The following FAM120C variants were observed in gnomAD, a reference collection of about 807,000 sequenced individuals.
FAM120C encodes the protein family with sequence similarity 120 member C.
A neutral mutation model predicts 71.2 loss-of-function variants in FAM120C; 14 were observed. That is an observed-to-expected ratio of 0.20 (90% CI 0.13 to 0.31). FAM120C has a LOEUF of 0.31. Ranked by LOEUF, FAM120C falls within the 10% of genes least tolerant of loss-of-function variation. The pLI is 1.00. For missense variants in FAM120C, 500 were observed against 879.0 expected (o/e 0.57, Z 5.45); for synonymous variants, 354 against 353.2 (o/e 1.00, Z -0.03).
intron 9 of FAM120C, among the ~76,000 whole-genome samples, chrX:54,117,875 C>T (rs1016923536): frequency 2.7e-5 from 3 of 110,986 alleles, no homozygotes; most frequent in Non-Finnish European, 5.7e-5. Flanking sequence ...ATGAGATACA[C>T]CAAAAGATAT....
intron 10 of FAM120C, among the ~76,000 whole-genome samples, chrX:54,092,586 T>C (rs1341220683): frequency 9.2e-6 from 1 of 108,298 alleles, no homozygotes; most frequent in Non-Finnish European, 1.9e-5. Context: ...AAGAAGAAAG[T>C]GTGTGTGTGG....
intron 10 of FAM120C, among the ~76,000 whole-genome samples, chrX:54,114,104 A>C (rs1401203616): frequency 9.0e-6 from 1 of 111,341 alleles, no homozygotes; most frequent in Non-Finnish European, 1.9e-5. Context: ...AAAAAGAATG[A>C]AATCATGTCT....
chrX:54,177,668 TGA>T (rs1345776675), intron 1 of FAM120C, among the ~76,000 whole-genome samples: 1 of 111,451 alleles, frequency 9.0e-6, no homozygotes, highest in Non-Finnish European at 1.9e-5. Context: ...TGAAAGCTCA[TGA>T]GAGAGGTCGA....
chrX:54,081,350 C>A lies in FAM120C; in HGVS notation c.2950G>T (p.Val984Leu). The A allele has an allele frequency of 8.3e-7, 1 of 1,210,215 alleles. No individual in the cohort carries two copies. Among genetic ancestry groups the A allele is most frequent in the Admixed American group, 2.2e-5 (1 of 45,812 alleles). Residue 984 changes from valine to leucine, a missense_variant, in exon 14 of 16, where the codon GTG becomes TTG. Around this residue, in one of 11 missense-constraint regions of FAM120C, gnomAD observed 85 missense variants for 96.1 expected, o/e 0.88. Transcript: ENST00000375180. Reference sequence around the variant, plus strand: ...TTTCCTGGCCCACCGACAGAAACCACTTGCATGCCGAAGGATCCTCGGCCC... The same window carrying A: ...TTTCCTGGCCCACCGACAGAAACCAATTGCATGCCGAAGGATCCTCGGCCC... Reference protein sequence around the residue: ...SRGRGSFGMQVVSVGGPGKGH... With the variant: ...SRGRGSFGMQLVSVGGPGKGH...
chrX:54,140,011 C>T (rs1440527814), intron 4 of FAM120C, among the ~76,000 whole-genome samples: 5 of 110,973 alleles, frequency 4.5e-5, no homozygotes, highest in African/African-American at 9.8e-5. Context: ...GAAGGGTTCC[C>T]GGCCGGGCAC....
intron 1 of FAM120C, among the ~76,000 whole-genome samples, chrX:54,176,432 CAAAA>C (rs1197918401): frequency 2.7e-5 from 1 of 36,394 alleles, no homozygotes; most frequent in Non-Finnish European, 5.2e-5. Context: ...GACTCTGTCT[CAAAA>C]AAAAAAAAAA....
chrX:54,178,133 G>A (rs2067328357), intron 1 of FAM120C, among the ~76,000 whole-genome samples: 1 of 111,684 alleles, frequency 9.0e-6, no homozygotes, highest in African/African-American at 3.3e-5. Flanking sequence ...TAAAGGGGAA[G>A]TTTTTGTTTT....
At chrX:54,176,192 G>T (rs1168055853) in intron 1 of FAM120C, among the ~76,000 whole-genome samples, 3 of 110,980 alleles carry the variant, frequency 2.7e-5, no homozygotes, top group Non-Finnish European at 5.7e-5. Flanking sequence ...CAGCGCTTTG[G>T]GTGGCTGATG....
chrX:54,091,632 A>G (rs1557122646), intron 10 of FAM120C, among the ~76,000 whole-genome samples: 3 of 112,148 alleles, frequency 2.7e-5, no homozygotes, highest in African/African-American at 9.7e-5. Context: ...ATGACAGGAC[A>G]GTGTGTTAAG....
intron 15 of FAM120C, among the ~76,000 whole-genome samples, chrX:54,073,837 C>A (rs1457985369): frequency 9.0e-6 from 1 of 110,983 alleles, no homozygotes; most frequent in East Asian, 2.8e-4. Context: ...ACAGCTTTTT[C>A]TTTTTTTATA....
chrX:54,172,074 A>C (rs1439683397), intron 1 of FAM120C, among the ~76,000 whole-genome samples: 1 of 112,749 alleles, frequency 8.9e-6, no homozygotes, highest in Admixed American at 9.4e-5. Context: ...TGAGTTTCCC[A>C]AAGGCATAAT....
At chrX:54,116,419 T>C in intron 10 of FAM120C, 126 bp downstream of exon 10, 1 of 765,987 alleles carries the variant, frequency 1.3e-6, no homozygotes, top group Non-Finnish European at 1.8e-6. Flanking sequence ...TCGGTGTTTC[T>C]GGCGCATAAG....
intron 15 of FAM120C, among the ~76,000 whole-genome samples, chrX:54,079,361 G>C (rs2066753232): frequency 9.0e-6 from 1 of 110,779 alleles, no homozygotes; most frequent in African/African-American, 3.3e-5. Flanking sequence ...GATTGCGTGA[G>C]GCAAGGAGGT....
At position 54,183,241 on chromosome X, in the gene FAM120C, A is replaced by T; in HGVS notation, c.-43T>A. On this transcript the variant is annotated 5_prime_UTR_variant, in exon 1 of 16. Transcript: ENST00000375180. ...ACGCGATAGCGGCTGCGCAAGCAGG[A>T]TAGGCGACGATCTGGGCGCGAAGCT... 1 of 863,259 alleles carries T rather than the reference A, an allele frequency of 1.2e-6. No individual in the cohort carries two copies. 71.1% of individuals were successfully genotyped at this position (863,259 alleles called of 1,213,427 possible).
intron 5 of FAM120C, among the ~76,000 whole-genome samples, 192 bp downstream of exon 5, chrX:54,136,299 C>T (rs1431408224): frequency 8.9e-6 from 1 of 112,274 alleles, no homozygotes; most frequent in African/African-American, 3.2e-5. Context: ...TGTGCCTGGC[C>T]AGGGCCCTTC....
chrX:54,158,379 C>G (rs782453785), intron 2 of FAM120C, among the ~76,000 whole-genome samples: 36 of 112,343 alleles, frequency 3.2e-4, no homozygotes, highest in Non-Finnish European at 6.0e-4. Context: ...AAAGGCCATG[C>G]CTGAGACAGA....
At chrX:54,167,737 C>G (rs1219311358) in intron 1 of FAM120C, among the ~76,000 whole-genome samples, 3 of 108,562 alleles carry the variant, frequency 2.8e-5, no homozygotes, top group Non-Finnish European at 3.8e-5. Flanking sequence ...GAGGCCAAGG[C>G]AGGCAGAACA....
At position 54,182,878 on chromosome X, in the gene FAM120C, C is replaced by T. The variant is rs782813097; in HGVS notation, c.321G>A (p.Pro107=). The T allele has an allele frequency of 5.6e-5, 63 of 1,134,787 alleles. No homozygotes were observed. In the African/African-American group the frequency reaches 1.1e-3, roughly 20 times the overall value. The allele number at this position is 1,134,787 out of a possible 1,213,427, so 93.5% of individuals were successfully genotyped here. A position where few individuals can be genotyped will look rare whatever the true frequency, so the allele number is the denominator to read the frequency against. ...AQPGLHPPLP[P]PPPPQLPGAR... Reference sequence around the variant, plus strand: ...CCCCGGGCAGCTGAGGGGGCGGCGGCGGCGGCAGCGGAGGGTGCAGCCCGG... The same window carrying T: ...CCCCGGGCAGCTGAGGGGGCGGCGGTGGCGGCAGCGGAGGGTGCAGCCCGG... Residue 107 remains proline (P), a synonymous_variant, in exon 1 of 16, where the codon CCG becomes CCA. Coordinates refer to ENST00000375180, the MANE Select transcript of FAM120C (RefSeq NM_017848.6).
intron 10 of FAM120C, among the ~76,000 whole-genome samples, chrX:54,096,866 T>C (rs1193135408): frequency 9.0e-6 from 1 of 111,641 alleles, no homozygotes; most frequent in Non-Finnish European, 1.9e-5. Flanking sequence ...TACAGCAAAA[T>C]TGTTTTCCAG....
Sources: gnomAD v4.1 joint callset for allele counts (sites outside exome capture counted in the v4.1 genomes callset) on GRCh38, gnomAD v4.1.1 for gene constraint, gnomAD v4.1.1 regional missense constraint, MANE v1.5 for transcripts, NCBI Gene and HGNC (gene_info 2026-07-23, HGNC 2026-07-21) for gene names.